Variants in ARFGEF3 observed in about 807,000 individuals in gnomAD.
The protein encoded by ARFGEF3 is ARFGEF family member 3, also known as brefeldin A-inhibited guanine nucleotide-exchange protein 3.
ARFGEF3 carries 96 observed loss-of-function variants against 221.7 expected under a neutral mutation model. The observed-to-expected ratio is 0.43, with a 90% CI of 0.37 to 0.51. The LOEUF (loss-of-function observed/expected upper bound fraction) is 0.51, where lower values mean the gene tolerates loss of function less well. Among genes scored for constraint, ARFGEF3 ranks in the 20% least tolerant of loss-of-function variants. ARFGEF3 has a pLI of 0.00. For missense variants in ARFGEF3, 2,410 were observed against 2,789.9 expected (o/e 0.86, Z 3.07); for synonymous variants, 1,145 against 1,126.8 (o/e 1.02, Z -0.32).
rs573782889 is a variant in ARFGEF3, at chr6:138,296,226, C to T, written c.3503-584C>T. On this transcript the variant is annotated intron_variant, in intron 20 of 33. Transcript: ENST00000251691. ...GTTACTGAGCAGCAGGGGGACCAGG[C>T]CTGCTTGGCAAAGGCTGCAGAGGTT... Among the ~76,000 whole-genome samples, 5 of 152,168 alleles carry T rather than the reference C, an allele frequency of 3.3e-5. No homozygotes were observed. In the East Asian group the frequency reaches 5.8e-4, roughly 18 times the overall value.
At chr6:138,326,053 C>T (rs1287878628) in intron 31 of ARFGEF3, among the ~76,000 whole-genome samples, 2 of 152,036 alleles carry the variant, frequency 1.3e-5, no homozygotes, top group Admixed American at 1.3e-4. Context: ...GACGGAGTTT[C>T]GCCATGTTGG....
At chr6:138,261,462 T>C in intron 10 of ARFGEF3, 65 bp from the exon 11 acceptor site, 1 of 967,498 alleles carries the variant, frequency 1.0e-6, no homozygotes, top group Non-Finnish European at 1.5e-6. Context: ...GATCTCACAA[T>C]TTAAAAACCT....
intron 29 of ARFGEF3, among the ~76,000 whole-genome samples, chr6:138,322,089 G>A (rs1780041084): frequency 6.6e-6 from 1 of 152,142 alleles, no homozygotes; most frequent in Admixed American, 6.5e-5. Flanking sequence ...TGAATTGGTG[G>A]AGATAGCAGA....
intron 2 of ARFGEF3, among the ~76,000 whole-genome samples, chr6:138,176,081 G>A (rs570845267): frequency 2.0e-5 from 3 of 151,550 alleles, no homozygotes; most frequent in Admixed American, 6.6e-5. Context: ...TTTGATTTCC[G>A]TTTGCATGGA....
chr6:138,248,161 G>T (rs1778518619), intron 8 of ARFGEF3, among the ~76,000 whole-genome samples: 1 of 152,188 alleles, frequency 6.6e-6, no homozygotes, highest in Non-Finnish European at 1.5e-5. Flanking sequence ...TCATAGGGGA[G>T]AGGGACATTT....
intron 4 of ARFGEF3, among the ~76,000 whole-genome samples, chr6:138,219,676 G>A (rs1296080518): frequency 6.6e-6 from 1 of 152,150 alleles, no homozygotes; most frequent in African/African-American, 2.4e-5. Context: ...TTGCCTGCAG[G>A]ACTCACAGCC....
In ARFGEF3 at chr6:138,278,591, C is replaced by T. The variant is rs754401399; in HGVS notation, c.2269C>T (p.Arg757Trp). 6.8e-6 allele frequency: 11 copies of T among 1,613,786 alleles called. No homozygotes were observed. The highest frequency in any genetic ancestry group is 2.2e-5 in the South Asian group (2 of 91,072). ...CTCCCACGGTGACTACTACAGGAAG[C>T]GGCCGACCCTGGCGCCAGGCGTGAT... is the stretch of plus-strand genomic sequence containing the variant. ...KLSHGDYYRKRPTLAPGVMKD... is the reference protein window; with the variant it reads ...KLSHGDYYRKWPTLAPGVMKD... Residue 757 changes from arginine (R) to tryptophan (W), a missense_variant, in exon 13 of 34, where the codon CGG becomes TGG. Physicochemically the swap from Arg to Trp is moderately radical, Grantham distance 101. Transcript: ENST00000251691.
intron 28 of ARFGEF3, among the ~76,000 whole-genome samples, chr6:138,320,118 G>GA (rs1779996518): frequency 6.6e-6 from 1 of 152,126 alleles, no homozygotes; most frequent in Admixed American, 6.5e-5. Flanking sequence ...ATGTGTGGTA[G>GA]AAAATAAAAT....
At chr6:138,308,041 C>T (rs975264000) in intron 23 of ARFGEF3, among the ~76,000 whole-genome samples, 2 of 152,190 alleles carry the variant, frequency 1.3e-5, no homozygotes, top group African/African-American at 4.8e-5. Flanking sequence ...GACATTCTTC[C>T]CCCAGCAGTG....
chr6:138,221,460 A>C (rs1777981380), intron 4 of ARFGEF3, among the ~76,000 whole-genome samples: 2 of 152,206 alleles, frequency 1.3e-5, no homozygotes, highest in Non-Finnish European at 1.5e-5. Context: ...CTAATATGTC[A>C]ATATTTATTT....
At chr6:138,295,627 C>CAAAAACA (rs1779496819) in intron 20 of ARFGEF3, among the ~76,000 whole-genome samples, 1 of 126,042 alleles carries the variant, frequency 7.9e-6, no homozygotes, top group African/African-American at 3.0e-5. Context: ...GAGACTCCCT[C>CAAAAACA]AAAAAAAAAA....
intron 14 of ARFGEF3, 62 bp from the exon 15 acceptor site, chr6:138,285,884 A>C: frequency 1.0e-6 from 1 of 955,016 alleles, no homozygotes; most frequent in Non-Finnish European, 1.7e-6. Flanking sequence ...TGTGGTGGCC[A>C]TTTGCTTGTT....
intron 31 of ARFGEF3, among the ~76,000 whole-genome samples, chr6:138,324,447 G>C (rs1780093362): frequency 1.3e-5 from 2 of 152,190 alleles, no homozygotes; most frequent in Admixed American, 1.3e-4. Flanking sequence ...TGAGCTACCT[G>C]TAAGTATTTG....
At position 138,286,877 on chromosome 6, in the gene ARFGEF3, G is replaced by A. The variant is rs781511050; in HGVS notation, c.2746G>A (p.Asp916Asn). The A allele has an allele frequency of 1.9e-5, 30 of 1,613,520 alleles. No homozygotes were observed. The East Asian group carries it at 2.9e-4, about 16-fold the overall frequency. ...KERDAICMSLDGLRKAARLSC... is the reference protein window; with the variant it reads ...KERDAICMSLNGLRKAARLSC... ...GCGGGACGCCATCTGCATGAGCCTC[G>A]ACGGGCTGCGGAAAGCCGCACGGCT... Residue 916 changes from aspartate (D) to asparagine (N), a missense_variant, in exon 16 of 34, where the codon GAC (aspartate) becomes AAC (asparagine). Transcript: ENST00000251691.
chr6:138,231,868 T>C (rs912222533), intron 5 of ARFGEF3, among the ~76,000 whole-genome samples: 28 of 152,174 alleles, frequency 1.8e-4, no homozygotes, highest in Admixed American at 1.8e-3. Flanking sequence ...AAAATGTAAA[T>C]AAGAGGGCAC....
chr6:138,296,710 A>G, intron 20 of ARFGEF3, 100 bp from the exon 21 acceptor site: 6 of 1,388,908 alleles, frequency 4.3e-6, no homozygotes, highest in African/African-American at 1.4e-5. Flanking sequence ...GAATTACCCT[A>G]CTGGTCCTAC....
At chr6:138,215,526 C>T (rs970086655) in intron 4 of ARFGEF3, among the ~76,000 whole-genome samples, 1 of 152,148 alleles carries the variant, frequency 6.6e-6, no homozygotes, top group Non-Finnish European at 1.5e-5. Flanking sequence ...ACTAAGGTCA[C>T]ACAGCTAGTG....
At chr6:138,168,302 G>T (rs1464352459) in intron 1 of ARFGEF3, among the ~76,000 whole-genome samples, 1 of 152,218 alleles carries the variant, frequency 6.6e-6, no homozygotes, top group East Asian at 1.9e-4. Flanking sequence ...AATAAAGAGG[G>T]AGTTGCCATT....
chr6:138,217,112 G>A (rs565933533), intron 4 of ARFGEF3: 1 of 152,284 alleles, frequency 6.6e-6, no homozygotes, highest in East Asian at 1.9e-4. Flanking sequence ...AATAGTTTAT[G>A]CATTATTTTT....
Sources: allele counts gnomAD v4.1 joint callset (sites outside exome capture counted in the v4.1 genomes callset), GRCh38; gene constraint gnomAD v4.1.1; transcripts MANE v1.5; gene names NCBI Gene and HGNC (gene_info 2026-07-23, HGNC 2026-07-21).